The following ERP44 variants were observed in gnomAD, a reference collection of about 807,000 sequenced individuals.
The protein encoded by ERP44 is endoplasmic reticulum resident protein 44.
In ERP44, 25 loss-of-function variants were observed where a neutral mutation model predicts 53.4. The observed-to-expected ratio is 0.47, with a 90% CI of 0.34 to 0.65. ERP44 has a LOEUF of 0.65. Among genes scored for constraint, ERP44 ranks in the 30% least tolerant of loss-of-function variants. The probability of loss-of-function intolerance (pLI) is 0.01; values close to 1 mark genes in which losing one functional copy is unlikely to be tolerated. For synonymous variants in ERP44, 145 were observed against 161.2 expected (o/e 0.90, Z 0.76); for missense variants, 338 against 493.2 (o/e 0.69, Z 2.98).
In ERP44 at chr9:100,098,982, G is replaced by A; in HGVS notation, c.-142C>T. The A allele has an allele frequency of 1.5e-6, 1 of 646,048 alleles. No individual in the cohort carries two copies. Among genetic ancestry groups the A allele is most frequent in the South Asian group, 1.8e-5 (1 of 55,892 alleles). 40.0% of individuals were successfully genotyped at this position (646,048 alleles called of 1,614,324 possible). A position where few individuals can be genotyped will look rare whatever the true frequency, so the allele number is the denominator to read the frequency against. On this transcript the variant is annotated 5_prime_UTR_variant, in exon 1 of 12. Transcript: ENST00000262455. ...CAGCGGCACCTCGTCCTCTCGACCC[G>A]GGCTCCAGCGGCGAACACCCGGGAC...
chr9:100,090,762 T>A (rs923348066), intron 1 of ERP44, among the ~76,000 whole-genome samples: 4 of 148,462 alleles, frequency 2.7e-5, no homozygotes, highest in Non-Finnish European at 4.5e-5. Flanking sequence ...AAAAAAAAAA[T>A]ATACAACAAA....
intron 6 of ERP44, among the ~76,000 whole-genome samples, 172 bp from the exon 7 acceptor site, chr9:100,018,485 A>C (rs887469485): frequency 2.0e-5 from 3 of 152,188 alleles, no homozygotes; most frequent in African/African-American, 7.2e-5. Context: ...TTTTTAAAGG[A>C]AAATTTTAGT....
intron 4 of ERP44, among the ~76,000 whole-genome samples, chr9:100,036,294 T>C (rs910114067): frequency 2.0e-5 from 3 of 152,238 alleles, no homozygotes; most frequent in East Asian, 1.9e-4. Flanking sequence ...ATATATGCCA[T>C]GGTACACTAT....
At chr9:100,016,469 C>G (rs773102978) in intron 7 of ERP44, 31 bp from the exon 8 acceptor site, 81 of 1,563,214 alleles carry the variant, frequency 5.2e-5, no homozygotes, top group Middle Eastern at 1.9e-4. Context: ...AAAATTAAAT[C>G]TAACCTGTGC....
At chr9:100,045,342 A>G (rs974035930) in intron 4 of ERP44, among the ~76,000 whole-genome samples, 1 of 152,134 alleles carries the variant, frequency 6.6e-6, no homozygotes, top group African/African-American at 2.4e-5. Flanking sequence ...TCCCGTCAGA[A>G]TAGATATCAC....
intron 1 of ERP44, among the ~76,000 whole-genome samples, chr9:100,074,192 G>A (rs1166081514): frequency 6.6e-6 from 1 of 152,156 alleles, no homozygotes; most frequent in East Asian, 1.9e-4. Flanking sequence ...AATGTCCAAA[G>A]TGGGTTATCA....
chr9:100,068,631 C>T (rs1469765569), intron 1 of ERP44, among the ~76,000 whole-genome samples: 3 of 142,512 alleles, frequency 2.1e-5, no homozygotes, highest in Non-Finnish European at 3.1e-5. Context: ...GGGTCAGCCC[C>T]CCACCCGGCC....
chr9:99,995,954 C>T (rs368105594), intron 10 of ERP44, among the ~76,000 whole-genome samples: 6 of 133,476 alleles, frequency 4.5e-5, no homozygotes, highest in South Asian at 5.0e-4. Context: ...TTTGAGTAAA[C>T]TCCATACTGT....
At chr9:100,002,760 T>C (rs1435569340) in intron 10 of ERP44, among the ~76,000 whole-genome samples, 4 of 152,214 alleles carry the variant, frequency 2.6e-5, no homozygotes, top group Non-Finnish European at 5.9e-5. Flanking sequence ...GAATCTTCCC[T>C]GTGTCCCTGA....
chr9:100,062,606 T>C (rs1203671975), intron 1 of ERP44, among the ~76,000 whole-genome samples: 3 of 152,208 alleles, frequency 2.0e-5, no homozygotes, highest in Admixed American at 2.0e-4. Context: ...CGGCATGGTG[T>C]GCGCTACCTC....
chr9:100,010,038 G>A (rs541468591), intron 8 of ERP44, among the ~76,000 whole-genome samples: 1 of 152,238 alleles, frequency 6.6e-6, no homozygotes, highest in Non-Finnish European at 1.5e-5. Flanking sequence ...CACGGGGCAT[G>A]ACTTTGTGTT....
rs140644731 is a variant in ERP44 at position 100,063,684 on chromosome 9, C to T, written c.58-3512G>A. Among the ~76,000 whole-genome samples, 812 of 152,044 alleles carry T rather than the reference C, an allele frequency of 5.3e-3. 4 individuals are homozygous for T. Among genetic ancestry groups the T allele is most frequent in the Non-Finnish European group, 8.0e-3 (546 of 67,990 alleles). On this transcript the variant is annotated intron_variant, in intron 1 of 11. Coordinates refer to ENST00000262455, the MANE Select transcript of ERP44 (RefSeq NM_015051.3). ...GGAAATTTTCATAGATCTTAATAGTCATGAAGAATATAGTCTCTAATGATG... is the reference window on the plus strand; with the variant it reads ...GGAAATTTTCATAGATCTTAATAGTTATGAAGAATATAGTCTCTAATGATG...
At chr9:100,055,362 G>GT (rs1339096029) in intron 3 of ERP44, among the ~76,000 whole-genome samples, 9 of 151,926 alleles carry the variant, frequency 5.9e-5, no homozygotes, top group East Asian at 1.9e-4. Flanking sequence ...CCTGATGTGT[G>GT]TTTTTTTTGT....
chr9:100,014,430 G>A (rs561179728), intron 8 of ERP44, among the ~76,000 whole-genome samples: 7 of 152,028 alleles, frequency 4.6e-5, no homozygotes, highest in East Asian at 1.9e-4. Flanking sequence ...GATTACAGGC[G>A]CCTGCCACCA....
At chr9:99,994,837 A>G (rs73656927) in intron 10 of ERP44, among the ~76,000 whole-genome samples, 1,982 of 152,234 alleles carry the variant, frequency 0.013, 35 homozygotes, top group African/African-American at 0.046. Flanking sequence ...AGTTTTAGCT[A>G]TTCTGGTTTA....
At chr9:99,987,843 A>T (rs936787717) in intron 10 of ERP44, among the ~76,000 whole-genome samples, 1 of 151,984 alleles carries the variant, frequency 6.6e-6, no homozygotes, top group Non-Finnish European at 1.5e-5. Flanking sequence ...CTGTTCCTGT[A>T]TCCATTGCTG....
At chr9:100,010,660 GGGAGTCTGAGGCGGGT>G (rs1830465908) in intron 8 of ERP44, among the ~76,000 whole-genome samples, 1 of 152,120 alleles carries the variant, frequency 6.6e-6, no homozygotes, top group South Asian at 2.1e-4. Context: ...CCAGCACTTT[GGGAGTCTGAGGCGGGT>G]GGATCACCTG....
At chr9:100,087,668 T>G (rs1329046952) in intron 1 of ERP44, among the ~76,000 whole-genome samples, 1 of 152,220 alleles carries the variant, frequency 6.6e-6, no homozygotes, top group Non-Finnish European at 1.5e-5. Context: ...TGAAGTTACA[T>G]GGTCAAGCTA....
rs368738620 is a variant in ERP44 at position 100,003,991 on chromosome 9, G to A, written c.1016+2515C>T. On this transcript the variant is annotated intron_variant, in intron 10 of 11. Coordinates refer to ENST00000262455, the MANE Select transcript of ERP44 (RefSeq NM_015051.3). ...AACCTGCAGCTGACCTAGTGCTGGG[G>A]CAGGTGTGGAATCACGATCTATGGC... is the stretch of plus-strand genomic sequence containing the variant. Among the ~76,000 whole-genome samples, 5 of 152,212 alleles carry A rather than the reference G, an allele frequency of 3.3e-5. No individual in the cohort carries two copies. In the East Asian group the frequency reaches 7.7e-4, roughly 24 times the overall value.
Sources: gnomAD v4.1 joint callset for allele counts (sites outside exome capture counted in the v4.1 genomes callset) on GRCh38, gnomAD v4.1.1 for gene constraint, MANE v1.5 for transcripts, NCBI Gene and HGNC (gene_info 2026-07-23, HGNC 2026-07-21) for gene names.